Variants in WDR7 observed in about 807,000 individuals in gnomAD.
WDR7 encodes the protein WD repeat-containing protein 7.
A neutral mutation model predicts 169.4 loss-of-function variants in WDR7; 46 were observed. The ratio of observed to expected loss-of-function variants is 0.27; its 90% CI spans 0.21 to 0.35. The LOEUF (loss-of-function observed/expected upper bound fraction) is 0.35, where lower values mean the gene tolerates loss of function less well. Ranked by LOEUF, WDR7 falls within the 10% of genes least tolerant of loss-of-function variation. The probability of loss-of-function intolerance (pLI) is 1.00; values close to 1 mark genes in which losing one functional copy is unlikely to be tolerated. For synonymous variants in WDR7, 612 were observed against 666.8 expected (o/e 0.92, Z 1.27); for missense variants, 1,534 against 1,859.3 (o/e 0.83, Z 3.22).
In WDR7 at chr18:56,923,940, T is replaced by G; in HGVS notation, c.3545T>G (p.Leu1182Arg). The change falls in exon 22 of 28, where the codon CTT becomes CGT. Residue 1182 changes from leucine (L) to arginine (R), a missense_variant. Physicochemically the swap from Leu to Arg is moderately radical, Grantham distance 102. Transcript: ENST00000254442. ...ATTTCAGGCAAGGCACTGACGTTTC[T>G]TCTGCTACAGCCTCCAAGCCCCAAA... ...ARHTCKALTF[L>R]LLQPPSPKLP... 2 of 1,562,326 alleles carry G rather than the reference T, an allele frequency of 1.3e-6. No individual in the cohort carries two copies. The highest frequency in any genetic ancestry group is 1.2e-5 in the South Asian group (1 of 80,410).
At position 56,679,443 on chromosome 18, in the gene WDR7, G is replaced by A; in HGVS notation, c.266+5G>A. 6.3e-7 allele frequency: 1 copy of A among 1,590,292 alleles called. No homozygotes were observed. The highest frequency in any genetic ancestry group is 8.6e-7 in the Non-Finnish European group (1 of 1,161,270). On this transcript the variant is annotated splice_donor_5th_base_variant and intron_variant, in intron 3 of 27. Coordinates refer to ENST00000254442, the MANE Select transcript of WDR7 (RefSeq NM_015285.3). ...TGTGAGTGCATCTGAAAGTGGGTAA[G>A]TATTTTCTCATTTGCCTCTTTTTCT...
At chr18:57,004,610 T>C (rs1246693757) in intron 26 of WDR7, among the ~76,000 whole-genome samples, 1 of 152,136 alleles carries the variant, frequency 6.6e-6, no homozygotes, top group Non-Finnish European at 1.5e-5. Flanking sequence ...CTACTAAACG[T>C]AAAAATGTCA....
chr18:56,714,434 T>G (rs910304226), intron 12 of WDR7, among the ~76,000 whole-genome samples: 38 of 151,810 alleles, frequency 2.5e-4, no homozygotes, highest in African/African-American at 9.0e-4. Flanking sequence ...CATGTTTACT[T>G]TGGACGAAAC....
chr18:56,673,084 C>T (rs1334784830), intron 2 of WDR7, among the ~76,000 whole-genome samples: 1 of 151,954 alleles, frequency 6.6e-6, no homozygotes, highest in African/African-American at 2.4e-5. Flanking sequence ...ATTGTCATTC[C>T]TTACTACTAT....
chr18:56,679,490 C>G, intron 3 of WDR7, 52 bp downstream of exon 3: 1 of 1,362,286 alleles, frequency 7.3e-7, no homozygotes, highest in Non-Finnish European at 1.0e-6. Flanking sequence ...ATAACTAGCA[C>G]CAATGCCTTG....
At chr18:56,929,627 G>T (rs1395325615) in intron 22 of WDR7, among the ~76,000 whole-genome samples, 1 of 152,172 alleles carries the variant, frequency 6.6e-6, no homozygotes, top group Admixed American at 6.5e-5. Context: ...TGCAGCTCCT[G>T]TACCATACGG....
intron 7 of WDR7, among the ~76,000 whole-genome samples, chr18:56,688,283 G>T (rs751639411): frequency 6.6e-6 from 1 of 152,146 alleles, no homozygotes; most frequent in Non-Finnish European, 1.5e-5. Flanking sequence ...TGAAAGGAAT[G>T]ACTAGGGAAG....
At chr18:56,988,694 G>T (rs1006904133) in intron 26 of WDR7, among the ~76,000 whole-genome samples, 1 of 149,534 alleles carries the variant, frequency 6.7e-6, no homozygotes, top group African/African-American at 2.5e-5. Context: ...AAAAAAATTG[G>T]GCATTCTTAT....
chr18:56,856,927 ATAT>A (rs1246551115), intron 20 of WDR7, among the ~76,000 whole-genome samples: 1 of 152,184 alleles, frequency 6.6e-6, no homozygotes, highest in Non-Finnish European at 1.5e-5. Context: ...TATGTTTAAA[ATAT>A]TATGTAATTG....
intron 27 of WDR7, among the ~76,000 whole-genome samples, chr18:57,021,121 C>T (rs1284478552): frequency 6.6e-6 from 1 of 152,104 alleles, no homozygotes; most frequent in Non-Finnish European, 1.5e-5. Flanking sequence ...CAATTATGGT[C>T]CCAGGGGAGC....
At chr18:56,749,575 T>A (rs1467910857) in intron 14 of WDR7, among the ~76,000 whole-genome samples, 2 of 152,080 alleles carry the variant, frequency 1.3e-5, no homozygotes, top group South Asian at 2.1e-4. Context: ...AAACTCTTTT[T>A]AATTAACAAT....
intron 26 of WDR7, among the ~76,000 whole-genome samples, chr18:56,991,292 G>A (rs913079461): frequency 6.6e-6 from 1 of 152,016 alleles, no homozygotes; most frequent in African/African-American, 2.4e-5. Context: ...GACTACAGGC[G>A]TCCGTCACCA....
intron 22 of WDR7, among the ~76,000 whole-genome samples, chr18:56,930,194 C>T (rs758922428): frequency 5.3e-5 from 8 of 152,216 alleles, no homozygotes; most frequent in Non-Finnish European, 1.0e-4. Flanking sequence ...TCACTGGAAA[C>T]CACACATGCT....
At chr18:57,009,798 C>T in intron 26 of WDR7, 4 of 953,698 alleles carry the variant, frequency 4.2e-6, no homozygotes, top group Non-Finnish European at 2.5e-6. Flanking sequence ...TATAAATTCC[C>T]TAGCTTTATA....
chr18:56,727,296 T>C (rs1244186135), intron 13 of WDR7, among the ~76,000 whole-genome samples: 1 of 151,910 alleles, frequency 6.6e-6, no homozygotes, highest in Admixed American at 6.6e-5. Context: ...TCAGGCAGAG[T>C]CCACTCTTTC....
chr18:56,671,884 C>T (rs2025143842), intron 1 of WDR7, among the ~76,000 whole-genome samples: 1 of 152,166 alleles, frequency 6.6e-6, no homozygotes. Context: ...AGAAGAATTT[C>T]TGGGACTTAG....
chr18:56,812,843 A>C (rs1025610932), intron 19 of WDR7, among the ~76,000 whole-genome samples: 2 of 151,882 alleles, frequency 1.3e-5, no homozygotes, highest in Admixed American at 6.6e-5. Flanking sequence ...GATTTTTCCC[A>C]CTCAGTACAC....
chr18:56,726,218 A>AT (rs1174962661), intron 13 of WDR7, among the ~76,000 whole-genome samples: 1 of 152,150 alleles, frequency 6.6e-6, no homozygotes, highest in Non-Finnish European at 1.5e-5. Context: ...TGGGGATGGC[A>AT]TTGAATCTAT....
chr18:57,003,049 A>T (rs1348735718), intron 26 of WDR7, among the ~76,000 whole-genome samples: 1 of 152,158 alleles, frequency 6.6e-6, no homozygotes, highest in East Asian at 1.9e-4. Flanking sequence ...ATACATCTTG[A>T]TATTTCACTG....
Sources: gnomAD v4.1 joint callset for allele counts (sites outside exome capture counted in the v4.1 genomes callset) on GRCh38, gnomAD v4.1.1 for gene constraint, MANE v1.5 for transcripts, NCBI Gene and HGNC (gene_info 2026-07-23, HGNC 2026-07-21) for gene names.